Variants in COL4A2 observed in about 807,000 individuals in gnomAD.
The protein encoded by COL4A2 is collagen alpha-2(IV) chain.
Under a neutral mutation model 200.2 loss-of-function variants are expected in COL4A2, and 99 were observed. The ratio of observed to expected loss-of-function variants is 0.49; its 90% CI spans 0.42 to 0.58. The LOEUF (loss-of-function observed/expected upper bound fraction) is 0.58. Among genes scored for constraint, COL4A2 ranks in the 20% least tolerant of loss-of-function variants. The pLI is 0.00. For missense variants in COL4A2, 1,950 were observed against 2,314.1 expected, an observed-to-expected ratio of 0.84 and a Z score of 3.23; for synonymous variants, 897 against 900.6, an observed-to-expected ratio of 1.00 and a Z score of 0.07.
chr13:110,438,840 G>T (rs1467469127), intron 15 of COL4A2, among the ~76,000 whole-genome samples, 172 bp downstream of exon 15: 1 of 102,274 alleles, frequency 9.8e-6, no homozygotes, highest in Admixed American at 1.1e-4. Flanking sequence ...CCCCCAGCAC[G>T]AACATCTAGC....
intron 4 of COL4A2, among the ~76,000 whole-genome samples, chr13:110,402,313 A>G (rs768734451): frequency 5.3e-5 from 8 of 152,248 alleles, no homozygotes; most frequent in Non-Finnish European, 1.0e-4. Context: ...GGCATAAGAC[A>G]GACATTTCTA....
chr13:110,374,610 A>C (rs919138133), intron 4 of COL4A2, among the ~76,000 whole-genome samples: 4 of 152,208 alleles, frequency 2.6e-5, no homozygotes, highest in Admixed American at 6.5e-5. Context: ...AGGAACTGGC[A>C]AATCGATTTG....
intron 4 of COL4A2, among the ~76,000 whole-genome samples, chr13:110,389,707 G>A (rs1170169868): frequency 2.0e-5 from 3 of 152,226 alleles, no homozygotes; most frequent in Non-Finnish European, 4.4e-5. Context: ...GGCTCCAAGA[G>A]GAAAGCTGGC....
At chr13:110,427,493 A>G (rs1233550284) in intron 6 of COL4A2, among the ~76,000 whole-genome samples, 1 of 152,238 alleles carries the variant, frequency 6.6e-6, no homozygotes, top group Non-Finnish European at 1.5e-5. Context: ...TTCTCAAAGT[A>G]ACTGTAAAAG....
chr13:110,461,986 G>C (rs1882044173), intron 22 of COL4A2, 128 bp from the exon 23 acceptor site: 24 of 1,383,022 alleles, frequency 1.7e-5, no homozygotes, highest in Non-Finnish European at 2.4e-5. Flanking sequence ...AGTGCTCCTT[G>C]GGTGGCGCTC....
chr13:110,476,679 C>T lies in COL4A2; in HGVS notation c.2426-1324C>T, dbSNP rs74124608. Among the ~76,000 whole-genome samples the T allele has an allele frequency of 9.2e-3, 1,395 of 152,346 alleles. 22 individuals are homozygous for T. The highest frequency in any genetic ancestry group is 0.031 in the African/African-American group (1,301 of 41,572). On this transcript the variant is annotated intron_variant, in intron 29 of 47. Transcript: ENST00000360467. ...TGTAAAGTGGTGGCAGGAGTGTGCA[C>T]CTCCGGTGTTAATAATCGGAGAGCA...
intron 4 of COL4A2, among the ~76,000 whole-genome samples, chr13:110,408,590 G>C (rs1356885583): frequency 2.6e-5 from 4 of 152,170 alleles, no homozygotes; most frequent in Admixed American, 6.5e-5. Flanking sequence ...GGCCATCGTC[G>C]GGGTCATGGA....
intron 4 of COL4A2, 148 bp downstream of exon 4, chr13:110,357,700 C>T (rs1280244242): frequency 1.5e-5 from 18 of 1,217,446 alleles, no homozygotes; most frequent in Non-Finnish European, 1.9e-5. Context: ...ACCTAGATGG[C>T]CGGGCCTACT....
At position 110,478,095 on chromosome 13, in the gene COL4A2, C is replaced by G; in HGVS notation, c.2518C>G (p.Leu840Val). The G allele has an allele frequency of 6.2e-7, 1 of 1,609,954 alleles. No homozygotes were observed. Among genetic ancestry groups the G allele is most frequent in the South Asian group, 1.1e-5 (1 of 90,650 alleles). Residue 840 changes from leucine (L) to valine (V), a missense_variant, in exon 30 of 48, where the codon CTG (leucine) becomes GTG (valine). By Grantham distance (32) the Leu-to-Val change is conservative. Transcript: ENST00000360467. ...GQPGLYGPPG[L>V]HGFPGAPGQE... The stretch of plus-strand genomic sequence containing the variant: ...GCCAGGCCTGTATGGGCCTCCAGGA[C>G]TGCATGGATTCCCAGGAGCTCCTGG...
At position 110,451,817 on chromosome 13, in the gene COL4A2, A is replaced by T. The variant is rs4548728; in HGVS notation, c.1339+1363A>T. Among the ~76,000 whole-genome samples the T allele has an allele frequency of 7.0e-4, 107 of 152,158 alleles. 3 individuals are homozygous for T. The East Asian group carries it at 0.02, about 29-fold the overall frequency. Reference sequence around the variant, plus strand: ...GTGGCCCAAGACAATTCTTCTTCCAATGTGGCCCAGAGAAGGCAAAAAATT... The same window carrying T: ...GTGGCCCAAGACAATTCTTCTTCCATTGTGGCCCAGAGAAGGCAAAAAATT... On this transcript the variant is annotated intron_variant, in intron 20 of 47. Coordinates refer to ENST00000360467, the MANE Select transcript of COL4A2 (RefSeq NM_001846.4).
At chr13:110,399,111 C>T (rs1344419117) in intron 4 of COL4A2, among the ~76,000 whole-genome samples, 1 of 152,084 alleles carries the variant, frequency 6.6e-6, no homozygotes, top group Non-Finnish European at 1.5e-5. Context: ...AGAAGCAGGT[C>T]AAAGGAATGA....
intron 3 of COL4A2, among the ~76,000 whole-genome samples, chr13:110,326,183 A>G (rs1003256341): frequency 1.3e-5 from 2 of 152,214 alleles, no homozygotes; most frequent in African/African-American, 2.4e-5. Context: ...ATTCATCTCC[A>G]TCAGTCCCTG....
At chr13:110,419,533 G>A (rs537707613) in intron 4 of COL4A2, among the ~76,000 whole-genome samples, 1 of 152,338 alleles carries the variant, frequency 6.6e-6, no homozygotes, top group Non-Finnish European at 1.5e-5. Flanking sequence ...CACTGCGTGT[G>A]CCCGTATCTG....
chr13:110,440,547 G>C (rs891992500), intron 16 of COL4A2, among the ~76,000 whole-genome samples: 1 of 152,160 alleles, frequency 6.6e-6, no homozygotes, highest in African/African-American at 2.4e-5. Context: ...AGTGAGCCGA[G>C]ATCGCGCCAT....
At chr13:110,459,165 T>C in intron 22 of COL4A2, 2 of 432,038 alleles carry the variant, frequency 4.6e-6, no homozygotes, top group East Asian at 3.7e-5. Flanking sequence ...CGACAGCTCT[T>C]GAAAGAGTTC....
At position 110,485,706 on chromosome 13, in the gene COL4A2, C is replaced by G; in HGVS notation, c.3077C>G (p.Pro1026Arg). 1.2e-6 allele frequency: 2 copies of G among 1,613,378 alleles called. No homozygotes were observed. The highest frequency in any genetic ancestry group is 1.7e-6 in the Non-Finnish European group (2 of 1,179,674). Reference protein sequence around the residue: ...IPGLSGIPGLPGRPGHIKGVK... With the variant: ...IPGLSGIPGLRGRPGHIKGVK... The stretch of plus-strand genomic sequence containing the variant: ...GGGCTGTCAGGAATCCCTGGGCTGC[C>G]TGGGAGGCCCGGCCACATCAAAGGA... Residue 1026 changes from proline to arginine, a missense_variant, in exon 34 of 48, where the codon CCT becomes CGT. Pro to Arg is a moderately radical substitution (Grantham distance 103). This residue lies in a region of COL4A2 where 1,385 missense variants were observed against 1,720.5 expected (regional missense o/e 0.80). Transcript: ENST00000360467.
In COL4A2 at chr13:110,466,336, G is replaced by A. The variant is rs181274925; in HGVS notation, c.2038+274G>A. The stretch of plus-strand genomic sequence containing the variant: ...CATTCCAACTCAGCTCCACAGGCAC[G>A]TGTGCTGCCAGGAGGGTCCAGGCAG... On this transcript the variant is annotated intron_variant, in intron 26 of 47. Transcript: ENST00000360467. Among the ~76,000 whole-genome samples, 18 of 152,266 alleles carry A rather than the reference G, an allele frequency of 1.2e-4. No individual in the cohort carries two copies. The South Asian group carries it at 2.7e-3, about 23-fold the overall frequency.
Position 110,508,497 on chromosome 13 carries a change from C to T in COL4A2, c.4881+276C>T, listed in dbSNP as rs1883966314. Among the ~76,000 whole-genome samples, 1 of 152,188 alleles carries T rather than the reference C, an allele frequency of 6.6e-6. No individual in the cohort carries two copies. Among genetic ancestry groups the T allele is most frequent in the African/African-American group, 2.4e-5 (1 of 41,448 alleles). On this transcript the variant is annotated intron_variant, in intron 47 of 47. Coordinates refer to ENST00000360467, the MANE Select transcript of COL4A2 (RefSeq NM_001846.4). The surrounding 1 kb of genome is among the most constrained non-coding windows in gnomAD (Gnocchi z 6.1). The stretch of plus-strand genomic sequence containing the variant: ...AACCAGGACGAACTTGCCTGTTATC[C>T]GTCTTACTAGGTACAACACCAACAC...
In COL4A2 at chr13:110,307,720, G is replaced by T. The variant is rs143930805; in HGVS notation, c.-44-140G>T. Reference sequence around the variant, plus strand: ...GGGAGGCTCTCCTTCTTTCCGGGTCGTGGGGGGGACGGCCCTCCGGTCACC... The same window carrying T: ...GGGAGGCTCTCCTTCTTTCCGGGTCTTGGGGGGGACGGCCCTCCGGTCACC... On this transcript the variant is annotated intron_variant, in intron 1 of 47. Coordinates refer to ENST00000360467, the MANE Select transcript of COL4A2 (RefSeq NM_001846.4). This position sits in a 1 kb window ranked among gnomAD's most constrained non-coding sequence, Gnocchi z 5.0. 36 of 767,342 alleles carry T rather than the reference G, an allele frequency of 4.7e-5. No individual in the cohort carries two copies. The highest frequency in any genetic ancestry group is 4.4e-4 in the African/African-American group (25 of 56,954). 47.5% of individuals were successfully genotyped at this position (767,342 alleles called of 1,614,324 possible).
Sources: allele counts gnomAD v4.1 joint callset (sites outside exome capture counted in the v4.1 genomes callset), GRCh38; gene constraint gnomAD v4.1.1; regional missense constraint gnomAD v4.1.1; non-coding constraint Gnocchi (gnomAD v3.1); transcripts MANE v1.5; gene names NCBI Gene and HGNC (gene_info 2026-07-23, HGNC 2026-07-21).